Variants in TENM2 observed in about 807,000 individuals in gnomAD.
TENM2 encodes teneurin transmembrane protein 2, also known as teneurin-2.
A neutral mutation model predicts 245.2 loss-of-function variants in TENM2; 52 were observed. The observed-to-expected ratio is 0.21, with a 90% CI of 0.17 to 0.27. The LOEUF is 0.27. Ranked by LOEUF, TENM2 falls within the 10% of genes least tolerant of loss-of-function variation. The pLI is 1.00. For synonymous variants in TENM2, 1,363 were observed against 1,438.9 expected (o/e 0.95, Z 1.19); for missense variants, 3,046 against 3,666.8 (o/e 0.83, Z 4.37).
chr5:167,624,044 A>G (rs1273178219), intron 2 of TENM2, among the ~76,000 whole-genome samples: 1 of 152,182 alleles, frequency 6.6e-6, no homozygotes, highest in Non-Finnish European at 1.5e-5. Context: ...TAGAACTACT[A>G]TTTGACTCAC....
chr5:167,014,029 T>C, the TENM2 span, among the ~76,000 whole-genome samples: 4 of 152,050 alleles, frequency 2.6e-5, no homozygotes, highest in Admixed American at 2.6e-4. Flanking sequence ...ATCACCTAAA[T>C]GAATCAGGAT....
At chr5:167,942,100 C>A (rs1384351712) in intron 3 of TENM2, among the ~76,000 whole-genome samples, 1 of 151,076 alleles carries the variant, frequency 6.6e-6, no homozygotes, top group Non-Finnish European at 1.5e-5. Context: ...CCCAGCTACT[C>A]GGGAGGCTGA....
chr5:167,561,725 A>G (rs1773602432), intron 2 of TENM2, among the ~76,000 whole-genome samples: 1 of 152,216 alleles, frequency 6.6e-6, no homozygotes, highest in Non-Finnish European at 1.5e-5. Flanking sequence ...ACACCAATTT[A>G]CACCTCATTG....
intron 2 of TENM2, among the ~76,000 whole-genome samples, chr5:167,405,232 AT>A (rs902309101): frequency 1.3e-5 from 2 of 150,908 alleles, no homozygotes; most frequent in Non-Finnish European, 3.0e-5. Flanking sequence ...TGTTTCTTTG[AT>A]TTTTTTTCTT....
At chr5:167,610,411 C>T (rs923897828) in intron 2 of TENM2, among the ~76,000 whole-genome samples, 1 of 152,060 alleles carries the variant, frequency 6.6e-6, no homozygotes, top group Admixed American at 6.5e-5. Flanking sequence ...GGGGGTGAGG[C>T]TAAAAGTCTC....
rs562137088 is a variant in TENM2 at position 167,803,577 on chromosome 5, A to G, written c.503-72409A>G. On this transcript the variant is annotated intron_variant, in intron 2 of 28. Coordinates refer to ENST00000518659, the Ensembl canonical transcript of TENM2. ...GTGGAGCTCCGTATTTTCCATTACCAGGACACAGATCTGATACTTCAGGGT... is the reference window on the plus strand; with the variant it reads ...GTGGAGCTCCGTATTTTCCATTACCGGGACACAGATCTGATACTTCAGGGT... Among the ~76,000 whole-genome samples the G allele has an allele frequency of 3.9e-5, 6 of 152,212 alleles. No homozygotes were observed. The East Asian group carries it at 1.2e-3, about 29-fold the overall frequency.
chr5:168,144,603 C>T, intron 12 of TENM2, among the ~76,000 whole-genome samples: 1 of 150,932 alleles, frequency 6.6e-6, no homozygotes, highest in Non-Finnish European at 1.5e-5. Context: ...GAGTTGGTTC[C>T]AAGTCTTTGC....
the TENM2 span, among the ~76,000 whole-genome samples, chr5:167,035,233 A>G: frequency 1.1e-4 from 17 of 152,316 alleles, no homozygotes; most frequent in South Asian, 3.5e-3. Context: ...ATTGGAAAAA[A>G]AAAAGAAAAC....
chr5:168,149,631 G>T (rs1471697998), intron 12 of TENM2, among the ~76,000 whole-genome samples: 1 of 152,140 alleles, frequency 6.6e-6, no homozygotes, highest in Non-Finnish European at 1.5e-5. Context: ...GTCCCTGCTG[G>T]CCAGCCTTCT....
intron 2 of TENM2, among the ~76,000 whole-genome samples, chr5:167,744,436 G>T (rs892872530): frequency 2.0e-5 from 3 of 152,104 alleles, no homozygotes; most frequent in African/African-American, 7.2e-5. Context: ...CTGAGTTATG[G>T]GACTCTTCAG....
At chr5:167,688,719 A>G (rs1364945501) in intron 2 of TENM2, among the ~76,000 whole-genome samples, 1 of 152,204 alleles carries the variant, frequency 6.6e-6, no homozygotes, top group African/African-American at 2.4e-5. Context: ...TAAAGCTTCC[A>G]CCTTAAAGAA....
chr5:167,739,097 C>G lies in TENM2; in HGVS notation c.503-136889C>G, dbSNP rs571469566. Reference sequence around the variant, plus strand: ...TACATTAAAACGAGTTAAAGTTATTCCTTGCAATAGGAGCCCTCTCCCTCA... The same window carrying G: ...TACATTAAAACGAGTTAAAGTTATTGCTTGCAATAGGAGCCCTCTCCCTCA... On this transcript the variant is annotated intron_variant, in intron 2 of 28. Coordinates refer to ENST00000518659, the Ensembl canonical transcript of TENM2. Among the ~76,000 whole-genome samples, 3 of 152,250 alleles carry G rather than the reference C, an allele frequency of 2.0e-5. No homozygotes were observed. The South Asian group carries it at 6.2e-4, about 32-fold the overall frequency.
intron 2 of TENM2, among the ~76,000 whole-genome samples, chr5:167,543,869 G>A (rs1772379840): frequency 6.6e-6 from 1 of 152,096 alleles, no homozygotes; most frequent in Non-Finnish European, 1.5e-5. Flanking sequence ...TTCTCTTCCT[G>A]TGTCTTAACA....
chr5:167,182,527 T>C, the TENM2 span, among the ~76,000 whole-genome samples: 44 of 152,314 alleles, frequency 2.9e-4, 1 homozygote, highest in East Asian at 8.1e-3. Flanking sequence ...CTTTCTAAAA[T>C]ATTTTCTAAA....
the TENM2 span, among the ~76,000 whole-genome samples, chr5:167,211,809 CTATTA>C: frequency 1.4e-4 from 22 of 151,956 alleles, no homozygotes; most frequent in African/African-American, 3.6e-4. Context: ...TGATTATATA[CTATTA>C]TATTATATGT....
At chr5:167,641,746 C>A (rs1779625582) in intron 2 of TENM2, among the ~76,000 whole-genome samples, 1 of 152,108 alleles carries the variant, frequency 6.6e-6, no homozygotes, top group Non-Finnish European at 1.5e-5. Context: ...GCTTCCTCGT[C>A]AGTAAAAAGG....
Position 167,370,652 on chromosome 5 carries a change from A to G in TENM2, c.227-4546A>G, listed in dbSNP as rs373211259. Among the ~76,000 whole-genome samples, 4 of 152,274 alleles carry G rather than the reference A, an allele frequency of 2.6e-5. No homozygotes were observed. In the South Asian group the frequency reaches 8.3e-4, roughly 31 times the overall value. ...ACTGGGTGAGTTATCGGCAACAGCC[A>G]TAGAGCACATACCTGAAATAAAATG... On this transcript the variant is annotated intron_variant, in intron 1 of 28. Coordinates refer to ENST00000518659, the Ensembl canonical transcript of TENM2.
chr5:167,003,989 C>T, the TENM2 span, among the ~76,000 whole-genome samples: 9 of 152,216 alleles, frequency 5.9e-5, no homozygotes, highest in South Asian at 2.1e-4. Context: ...GCCATGATTC[C>T]GAGTCAATTC....
At chr5:167,140,620 A>G in the TENM2 span, among the ~76,000 whole-genome samples, 1 of 152,196 alleles carries the variant, frequency 6.6e-6, no homozygotes, top group African/African-American at 2.4e-5. Flanking sequence ...TAGCTGGAGA[A>G]TATCTAAGAG....
Sources: allele counts gnomAD v4.1 joint callset (sites outside exome capture counted in the v4.1 genomes callset), GRCh38; gene constraint gnomAD v4.1.1; transcripts MANE v1.5; gene names NCBI Gene and HGNC (gene_info 2026-07-23, HGNC 2026-07-21).